FRMD3: variants seen among roughly 807,000 people sequenced by gnomAD.
FRMD3 encodes FERM domain containing 3.
A neutral mutation model predicts 70.2 loss-of-function variants in FRMD3; 33 were observed. The ratio of observed to expected loss-of-function variants is 0.47; its 90% CI spans 0.36 to 0.63. The LOEUF is 0.63. FRMD3 is among the 20% of genes least tolerant of loss of function. The pLI is 0.00. For synonymous variants in FRMD3, 279 were observed against 255.9 expected (o/e 1.09, Z -0.86); for missense variants, 632 against 711.4 (o/e 0.89, Z 1.27).
chr9:83,326,215 C>T (rs1836009861), intron 6 of FRMD3, among the ~76,000 whole-genome samples: 1 of 152,186 alleles, frequency 6.6e-6, no homozygotes, highest in Non-Finnish European at 1.5e-5. Flanking sequence ...AGATGTGAAT[C>T]TGTTACACTA....
In FRMD3 at chr9:83,307,771, AACTGTAT is replaced by A. The variant is rs1835188268; in HGVS notation, c.926+1758_926+1764del. ...TTGTGAATTACACTAAAAACCACAA[AACTGTAT>A]ACTTTAAAAGGGTAAATTTTACGGC... On this transcript the variant is annotated intron_variant, in intron 10 of 13. Transcript: ENST00000304195. Among the ~76,000 whole-genome samples, 22 of 152,318 alleles carry A rather than the reference AACTGTAT, an allele frequency of 1.4e-4. 2 individuals carry two copies. The South Asian group carries it at 4.6e-3, about 32-fold the overall frequency.
At chr9:83,350,813 G>A (rs1824131614) in intron 3 of FRMD3, 1 of 791,796 alleles carries the variant, frequency 1.3e-6, no homozygotes, top group Non-Finnish European at 1.5e-6. Flanking sequence ...CCCAACCAAT[G>A]GGGATTCTAC....
At chr9:83,316,891 C>A (rs1835600344) in intron 6 of FRMD3, among the ~76,000 whole-genome samples, 1 of 152,102 alleles carries the variant, frequency 6.6e-6, no homozygotes, top group African/African-American at 2.4e-5. Flanking sequence ...TCTCCACCAA[C>A]AAATAAACCA....
chr9:83,505,205 T>C (rs956699519), intron 1 of FRMD3, among the ~76,000 whole-genome samples: 3 of 152,220 alleles, frequency 2.0e-5, no homozygotes, highest in African/African-American at 7.2e-5. Flanking sequence ...TCTAGAAATA[T>C]CCATTCTAAT....
At chr9:83,438,980 C>T (rs191520691) in intron 1 of FRMD3, among the ~76,000 whole-genome samples, 3 of 152,278 alleles carry the variant, frequency 2.0e-5, no homozygotes, top group African/African-American at 2.4e-5. Context: ...TGAAAACCCT[C>T]ACCTCTTTTG....
rs767263716 is a variant in FRMD3, at chr9:83,349,659, T to A, written c.374+20A>T. Reference sequence around the variant, plus strand: ...GCTGGTTAAAGGTGCACGTTAAACATACAAACAAACAAAAAATACCTTGTG... The same window carrying A: ...GCTGGTTAAAGGTGCACGTTAAACAAACAAACAAACAAAAAATACCTTGTG... On this transcript the variant is annotated intron_variant, in intron 4 of 13. Transcript: ENST00000304195. 1.3e-6 allele frequency: 2 copies of A among 1,583,124 alleles called. No homozygotes were observed. Among genetic ancestry groups the A allele is most frequent in the African/African-American group, 2.7e-5 (2 of 74,356 alleles).
At chr9:83,482,095 C>T (rs1486769368) in intron 1 of FRMD3, among the ~76,000 whole-genome samples, 1 of 152,168 alleles carries the variant, frequency 6.6e-6, no homozygotes, top group Admixed American at 6.5e-5. Context: ...TCTTTTATGG[C>T]TCTTTGCTGT....
chr9:83,467,645 T>C (rs1460875907), intron 1 of FRMD3: 1 of 1,534,992 alleles, frequency 6.5e-7, no homozygotes, highest in Non-Finnish European at 8.7e-7. Flanking sequence ...GCAGGTCTCC[T>C]TGTGCCTTGC....
intron 4 of FRMD3, among the ~76,000 whole-genome samples, chr9:83,343,643 T>C (rs1428461570): frequency 2.6e-5 from 4 of 152,158 alleles, no homozygotes; most frequent in Admixed American, 2.6e-4. Flanking sequence ...TAGCTGCATC[T>C]CAGGCACATG....
chr9:83,563,466 C>G, the FRMD3 span, among the ~76,000 whole-genome samples: 12 of 152,150 alleles, frequency 7.9e-5, no homozygotes, highest in Non-Finnish European at 1.5e-5. Flanking sequence ...AAATGATGCT[C>G]TCTGGAGTGT....
chr9:83,254,942 T>C (rs979261284), intron 13 of FRMD3, among the ~76,000 whole-genome samples: 2 of 152,182 alleles, frequency 1.3e-5, no homozygotes, highest in Non-Finnish European at 2.9e-5. Context: ...AACTGAATTC[T>C]ACCAGAGGTA....
intron 1 of FRMD3, among the ~76,000 whole-genome samples, chr9:83,520,733 T>C (rs1829552361): frequency 6.6e-6 from 1 of 152,136 alleles, no homozygotes; most frequent in Non-Finnish European, 1.5e-5. Context: ...TTCAATACTG[T>C]TCGATACTTA....
intron 1 of FRMD3, among the ~76,000 whole-genome samples, chr9:83,512,239 C>T (rs1829353797): frequency 6.6e-6 from 1 of 152,184 alleles, no homozygotes; most frequent in Non-Finnish European, 1.5e-5. Context: ...ATTCTTTCAG[C>T]TAACCAATAT....
At chr9:83,338,910 G>A (rs1442144821) in intron 5 of FRMD3, among the ~76,000 whole-genome samples, 4 of 152,034 alleles carry the variant, frequency 2.6e-5, no homozygotes, top group South Asian at 2.1e-4. Context: ...ACACATACAC[G>A]CTTGTGCCCC....
At chr9:83,552,392 T>C in the FRMD3 span, among the ~76,000 whole-genome samples, 1 of 152,188 alleles carries the variant, frequency 6.6e-6, no homozygotes, top group African/African-American at 2.4e-5. Context: ...TTATGTCCAA[T>C]TATGTGGTCA....
intron 13 of FRMD3, among the ~76,000 whole-genome samples, chr9:83,255,973 T>C (rs1401658376): frequency 2.0e-5 from 3 of 152,188 alleles, no homozygotes; most frequent in Non-Finnish European, 4.4e-5. Context: ...TTTAATGCTA[T>C]TCCCATTGAA....
chr9:83,260,279 A>AG (rs1302517334), intron 13 of FRMD3, among the ~76,000 whole-genome samples: 1 of 152,198 alleles, frequency 6.6e-6, no homozygotes, highest in African/African-American at 2.4e-5. Flanking sequence ...AGGCAAGTTA[A>AG]GGTCACAAAA....
At chr9:83,434,333 G>A (rs1827069085) in intron 1 of FRMD3, among the ~76,000 whole-genome samples, 2 of 152,192 alleles carry the variant, frequency 1.3e-5, no homozygotes, top group Non-Finnish European at 2.9e-5. Context: ...AGACACAGGG[G>A]GACTTCAGTT....
chr9:83,570,334 A>G, the FRMD3 span, among the ~76,000 whole-genome samples: 1 of 152,188 alleles, frequency 6.6e-6, no homozygotes, highest in Non-Finnish European at 1.5e-5. Flanking sequence ...GGGTGTTGGG[A>G]GTAAAGATGA....
Sources: gnomAD v4.1 joint callset for allele counts (sites outside exome capture counted in the v4.1 genomes callset) on GRCh38, gnomAD v4.1.1 for gene constraint, MANE v1.5 for transcripts, NCBI Gene and HGNC (gene_info 2026-07-23, HGNC 2026-07-21) for gene names.